The following MBP variants were observed in gnomAD, a reference collection of about 807,000 sequenced individuals.
MBP encodes the protein Golli-MBP.
A neutral mutation model predicts 35.8 loss-of-function variants in MBP; 16 were observed. That is an observed-to-expected ratio of 0.45 (90% CI 0.30 to 0.68). The LOEUF is 0.68. Ranked by LOEUF, MBP falls within the 30% of genes least tolerant of loss-of-function variation. The pLI is 0.08. For missense variants in MBP, 380 were observed against 404.7 expected, an observed-to-expected ratio of 0.94 and a Z score of 0.52; for synonymous variants, 143 against 159.6, an observed-to-expected ratio of 0.90 and a Z score of 0.78.
intron 2 of MBP, among the ~76,000 whole-genome samples, chr18:77,075,019 A>G (rs1364645030): frequency 1.3e-5 from 2 of 152,232 alleles, no homozygotes; most frequent in Non-Finnish European, 1.5e-5. Context: ...TAAAGAGGAT[A>G]CTGCAGGAAA....
At chr18:76,997,838 C>T (rs1007342898) in intron 4 of MBP, among the ~76,000 whole-genome samples, 9 of 152,142 alleles carry the variant, frequency 5.9e-5, no homozygotes, top group African/African-American at 9.7e-5. Flanking sequence ...TCCGCCACCA[C>T]GCCCGGCTGA....
At chr18:76,985,327 G>A (rs976849727) in intron 7 of MBP, 27 of 1,291,744 alleles carry the variant, frequency 2.1e-5, no homozygotes, top group Non-Finnish European at 2.1e-5. Context: ...TGTAGGTGCC[G>A]GTCCCCGGAG....
At chr18:76,984,586 C>T (rs763330009) in intron 8 of MBP, 189 bp downstream of exon 8, 122 of 721,894 alleles carry the variant, frequency 1.7e-4, no homozygotes, top group East Asian at 3.7e-4. Context: ...ACATGCATCT[C>T]GGAGGAAATC....
Position 76,989,831 on chromosome 18 carries a change from C to T in MBP, c.681+125G>A. 1 of 774,782 alleles carries T rather than the reference C, an allele frequency of 1.3e-6. No individual in the cohort carries two copies. The highest frequency in any genetic ancestry group is 1.6e-5 in the South Asian group (1 of 61,024). 48.0% of individuals were successfully genotyped at this position (774,782 alleles called of 1,614,324 possible). ...TGCGAGGGGGGAGTTCCCCGGCCGG[C>T]CTCACCCTGATGATGACCCCGGTGC... is the stretch of plus-strand genomic sequence containing the variant. On this transcript the variant is annotated intron_variant, in intron 5 of 8. Coordinates refer to ENST00000355994, the MANE Select transcript of MBP (RefSeq NM_001025101.2). This position sits in a 1 kb window ranked among gnomAD's most constrained non-coding sequence, Gnocchi z 4.0.
chr18:76,996,847 T>C (rs1422505032), intron 4 of MBP, among the ~76,000 whole-genome samples: 1 of 152,176 alleles, frequency 6.6e-6, no homozygotes, highest in Non-Finnish European at 1.5e-5. Flanking sequence ...GCAAGCCCAT[T>C]TTGTTCATTA....
chr18:77,003,569 T>C (rs542878606), intron 4 of MBP: 6 of 152,310 alleles, frequency 3.9e-5, no homozygotes, highest in Non-Finnish European at 7.4e-5. Flanking sequence ...CCACAGAAGA[T>C]AGTGGTGTCA....
intron 1 of MBP, among the ~76,000 whole-genome samples, chr18:77,121,013 T>C (rs1296677687): frequency 1.3e-5 from 2 of 152,206 alleles, no homozygotes; most frequent in East Asian, 3.9e-4. Context: ...CCCATTAAAA[T>C]TTAAGGTTGG....
At chr18:77,109,124 G>A (rs554266130) in intron 1 of MBP, 2 of 152,388 alleles carry the variant, frequency 1.3e-5, no homozygotes, top group Middle Eastern at 3.4e-3. Flanking sequence ...CCTCCACCAG[G>A]TCCAGGGTTC....
At chr18:77,089,573 C>T (rs1975418869) in intron 2 of MBP, among the ~76,000 whole-genome samples, 1 of 152,222 alleles carries the variant, frequency 6.6e-6, no homozygotes, top group Non-Finnish European at 1.5e-5. Context: ...TGACCCTGCC[C>T]ACACCTTGAT....
At chr18:77,099,062 G>A (rs1975892080) in intron 2 of MBP, among the ~76,000 whole-genome samples, 1 of 152,084 alleles carries the variant, frequency 6.6e-6, no homozygotes, top group Non-Finnish European at 1.5e-5. Flanking sequence ...CATACAAGGG[G>A]AGGGGGAGTG....
At position 77,002,837 on chromosome 18, in the gene MBP, G is replaced by C. The variant is rs567690644; in HGVS notation, c.577-12777C>G. The C allele has an allele frequency of 2.6e-5, 4 of 152,348 alleles. No homozygotes were observed. In the East Asian group the frequency reaches 5.8e-4, roughly 22 times the overall value. The allele number at this position is 152,348 out of a possible 1,614,324, so 9.4% of individuals were successfully genotyped here. A position where few individuals can be genotyped will look rare whatever the true frequency, so the allele number is the denominator to read the frequency against. On this transcript the variant is annotated intron_variant, in intron 4 of 8. Transcript: ENST00000355994. ...GTCATAGGAGAAAGGGAAAAGGGAA[G>C]GGAGAAGAACGGATTTTTAAATTGT... is the stretch of plus-strand genomic sequence containing the variant.
chr18:77,114,847 C>G (rs1389121802), intron 1 of MBP: 1 of 152,508 alleles, frequency 6.6e-6, no homozygotes, highest in Admixed American at 6.5e-5. Flanking sequence ...GGGCCGGCAG[C>G]TGGGACAGGG....
chr18:77,100,194 A>C (rs1975942240), intron 2 of MBP, among the ~76,000 whole-genome samples: 1 of 152,196 alleles, frequency 6.6e-6, no homozygotes, highest in Non-Finnish European at 1.5e-5. Context: ...AGCCAACGTG[A>C]TGCTGTCCTT....
chr18:76,988,236 C>T lies in MBP; in HGVS notation c.750+259G>A, dbSNP rs1343347595. 3 of 1,549,772 alleles carry T rather than the reference C, an allele frequency of 1.9e-6. No homozygotes were observed. Among genetic ancestry groups the T allele is most frequent in the African/African-American group, 1.4e-5 (1 of 73,000 alleles). ...AGACCAGTCACGTCGCCTGGGAACC[C>T]TCTGGGAGAAGAGGATCTGGCCTTG... On this transcript the variant is annotated intron_variant, in intron 7 of 8. Transcript: ENST00000355994. This position sits in a 1 kb window ranked among gnomAD's most constrained non-coding sequence, Gnocchi z 5.2.
At chr18:77,112,109 G>A (rs188010024) in intron 1 of MBP, among the ~76,000 whole-genome samples, 3 of 151,718 alleles carry the variant, frequency 2.0e-5, no homozygotes, top group South Asian at 2.1e-4. Context: ...CTCTGTGTTC[G>A]GAGCATAGTA....
At chr18:77,004,115 C>A (rs1480814151) in intron 4 of MBP, 2 of 152,188 alleles carry the variant, frequency 1.3e-5, no homozygotes, top group African/African-American at 4.8e-5. Flanking sequence ...GCCATGCTGT[C>A]TCCCCTTTTC....
intron 2 of MBP, among the ~76,000 whole-genome samples, chr18:77,073,012 C>G (rs1046191678): frequency 6.6e-6 from 1 of 152,200 alleles, no homozygotes; most frequent in African/African-American, 2.4e-5. Context: ...TTAGATTCCT[C>G]TCCAATTAAT....
intron 2 of MBP, among the ~76,000 whole-genome samples, chr18:77,098,875 A>G (rs1457427907): frequency 6.6e-6 from 1 of 152,070 alleles, no homozygotes; most frequent in Non-Finnish European, 1.5e-5. Flanking sequence ...TATCCACGGC[A>G]ATCCTTACAA....
chr18:77,016,247 AT>A (rs1174633726), intron 4 of MBP: 1 of 985,380 alleles, frequency 1.0e-6, no homozygotes, highest in Admixed American at 6.1e-5. Flanking sequence ...TCACAAGATA[AT>A]AAAGCTTTGA....
Sources: allele counts gnomAD v4.1 joint callset (sites outside exome capture counted in the v4.1 genomes callset), GRCh38; gene constraint gnomAD v4.1.1; non-coding constraint Gnocchi (gnomAD v3.1); transcripts MANE v1.5; gene names NCBI Gene and HGNC (gene_info 2026-07-23, HGNC 2026-07-21).